EPHX2: variants seen among roughly 807,000 people sequenced by gnomAD.
The protein encoded by EPHX2 is epoxide hydrolase 2.
In EPHX2, 74 loss-of-function variants were observed where a neutral mutation model predicts 78.7. The ratio of observed to expected loss-of-function variants is 0.94; its 90% confidence interval spans 0.78 to 1.14. The LOEUF (loss-of-function observed/expected upper bound fraction) is 1.14, where lower values mean the gene tolerates loss of function less well. Ranked by LOEUF, EPHX2 falls within the 50% of genes most tolerant of loss-of-function variation. The probability of loss-of-function intolerance (pLI) is 0.00; values close to 1 mark genes in which losing one functional copy is unlikely to be tolerated. For missense variants in EPHX2, 715 were observed against 702.5 expected, an observed-to-expected ratio of 1.02 and a Z score of -0.20; for synonymous variants, 251 against 255.2, an observed-to-expected ratio of 0.98 and a Z score of 0.16.
intron 2 of EPHX2, among the ~76,000 whole-genome samples, chr8:27,501,366 C>CTT (rs1179325007): frequency 7.6e-6 from 1 of 131,190 alleles, no homozygotes; most frequent in East Asian, 2.2e-4. Flanking sequence ...TCTTCTTCTT[C>CTT]TTCTTCTTCT....
In EPHX2 at chr8:27,544,490, G is replaced by A; in HGVS notation, c.1636G>A (p.Ala546Thr). Residue 546 changes from alanine (A) to threonine (T), a missense_variant, in exon 19 of 19, where the codon GCC (alanine) becomes ACC (threonine). Physicochemically the swap from Ala to Thr is moderately conservative, Grantham distance 58. Transcript: ENST00000521400. Reference sequence around the variant, plus strand: ...CCTCATTAAGTGGCTGGATTCTGATGCCCGGAACCCACCGGTGGTCTCAAA... The same window carrying A: ...CCTCATTAAGTGGCTGGATTCTGATACCCGGAACCCACCGGTGGTCTCAAA... ...QILIKWLDSD[A>T]RNPPVVSKM 1 of 1,613,948 alleles carries A rather than the reference G, an allele frequency of 6.2e-7. No homozygotes were observed. Among genetic ancestry groups the A allele is most frequent in the Non-Finnish European group, 8.5e-7 (1 of 1,180,026 alleles).
At chr8:27,513,415 A>T (rs1017055660) in intron 6 of EPHX2, among the ~76,000 whole-genome samples, 2 of 152,128 alleles carry the variant, frequency 1.3e-5, no homozygotes, top group Non-Finnish European at 2.9e-5. Flanking sequence ...GGTTATTCTC[A>T]TAATTCCCTT....
intron 4 of EPHX2, 76 bp from the exon 5 acceptor site, chr8:27,506,793 TCTC>T: frequency 1.3e-6 from 2 of 1,541,642 alleles, no homozygotes. Context: ...GAGTTTTTAA[TCTC>T]CTCATCATAA....
downstream of EPHX2, among the ~76,000 whole-genome samples, chr8:27,547,697 TC>T (rs1046336423): frequency 7.2e-5 from 11 of 152,082 alleles, no homozygotes; most frequent in African/African-American, 2.2e-4. Flanking sequence ...TCCCTCCCTA[TC>T]CCCCACCTCT....
intron 12 of EPHX2, among the ~76,000 whole-genome samples, chr8:27,534,352 A>C (rs960995682): frequency 3.3e-5 from 5 of 152,170 alleles, no homozygotes; most frequent in African/African-American, 1.2e-4. Flanking sequence ...TGAGCAGAAC[A>C]AAAAAGAGTA....
At chr8:27,511,564 G>A (rs1365084044) in intron 5 of EPHX2, among the ~76,000 whole-genome samples, 1 of 152,188 alleles carries the variant, frequency 6.6e-6, no homozygotes, top group Non-Finnish European at 1.5e-5. Flanking sequence ...TCATTTGGGG[G>A]TTTTAATGTG....
chr8:27,530,115 G>A lies in EPHX2; in HGVS notation c.1170+4642G>A, dbSNP rs192276512. ...TGCCCAGGCTGGTCTCTAAGTCCTGGCGTCAAGTGATCCTCCCACCTCAGC... is the reference window on the plus strand; with the variant it reads ...TGCCCAGGCTGGTCTCTAAGTCCTGACGTCAAGTGATCCTCCCACCTCAGC... On this transcript the variant is annotated intron_variant, in intron 12 of 18. Coordinates refer to ENST00000521400, the MANE Select transcript of EPHX2 (RefSeq NM_001979.6). Among the ~76,000 whole-genome samples the A allele has an allele frequency of 2.6e-3, 389 of 150,946 alleles. 1 individual carries two copies. Among genetic ancestry groups the A allele is most frequent in the African/African-American group, 9.0e-3 (370 of 41,022 alleles).
In EPHX2 at chr8:27,517,935, T is replaced by C. The variant is rs1462266646; in HGVS notation, c.911-103T>C. On this transcript the variant is annotated intron_variant, in intron 8 of 18. Transcript: ENST00000521400. ...AGTAAGTTTTTGTGGGTTTTTGTTG[T>C]TGTTGTTTGGTTTTTGGTTTTCTTT... 10 of 842,596 alleles carry C rather than the reference T, an allele frequency of 1.2e-5. No homozygotes were observed. In the Admixed American group the frequency reaches 2.8e-4, roughly 23 times the overall value. 52.2% of individuals were successfully genotyped at this position (842,596 alleles called of 1,614,324 possible).
chr8:27,522,402 C>T (rs752206044), intron 10 of EPHX2, 21 bp from the exon 11 acceptor site: 1 of 1,534,440 alleles, frequency 6.5e-7, no homozygotes, highest in African/African-American at 1.4e-5. Context: ...ACATTCGGCT[C>T]CCTTCTTTTT....
At chr8:27,516,917 C>CTTTTTTTTTTTTTTT (rs145423911) in intron 8 of EPHX2, among the ~76,000 whole-genome samples, 1 of 144,196 alleles carries the variant, frequency 6.9e-6, no homozygotes, top group Non-Finnish European at 1.5e-5. Context: ...AATTTCCTTC[C>CTTTTTTTTTTTTTTT]TATTTTTTTT....
At chr8:27,511,019 C>A (rs891054961) in intron 5 of EPHX2, among the ~76,000 whole-genome samples, 1 of 152,114 alleles carries the variant, frequency 6.6e-6, no homozygotes. Context: ...AAGGGAAAGA[C>A]CATGTGAAGA....
At chr8:27,520,151 C>G (rs1414692264) in intron 9 of EPHX2, among the ~76,000 whole-genome samples, 1 of 149,508 alleles carries the variant, frequency 6.7e-6, no homozygotes, top group Non-Finnish European at 1.5e-5. Flanking sequence ...CTAATCTCTC[C>G]TTTTTTTTTA....
chr8:27,523,870 T>G (rs1814734362), intron 11 of EPHX2, among the ~76,000 whole-genome samples: 1 of 151,776 alleles, frequency 6.6e-6, no homozygotes, highest in Non-Finnish European at 1.5e-5. Flanking sequence ...CTGGTTAAAG[T>G]CAACAAAAGG....
chr8:27,509,098 G>A (rs1814135748), intron 5 of EPHX2, among the ~76,000 whole-genome samples: 1 of 151,894 alleles, frequency 6.6e-6, no homozygotes, highest in South Asian at 2.1e-4. Flanking sequence ...CTCCTCTAGG[G>A]ACCTAATGTA....
intron 3 of EPHX2, among the ~76,000 whole-genome samples, chr8:27,504,031 T>C (rs1328339581): frequency 5.3e-5 from 8 of 152,214 alleles, no homozygotes; most frequent in Admixed American, 5.2e-4. Context: ...AATGGCACTT[T>C]AGTAATGACC....
chr8:27,519,638 T>G (rs939796786), intron 9 of EPHX2, among the ~76,000 whole-genome samples: 1 of 152,370 alleles, frequency 6.6e-6, no homozygotes, highest in African/African-American at 2.4e-5. Flanking sequence ...TCGTGAAGAC[T>G]GATGAACGAT....
rs145423911 is a variant in EPHX2 at position 27,516,917 on chromosome 8, C to CTTTTTTTT, written c.910+520_910+521insTTTTTTTT. ...TATAGACGGCACCACAATTTCCTTC[C>CTTTTTTTT]TATTTTTTTTTTTTTTTTTTGAGAC... On this transcript the variant is annotated intron_variant, in intron 8 of 18. Transcript: ENST00000521400. Among the ~76,000 whole-genome samples the CTTTTTTTT allele has an allele frequency of 6.9e-5, 10 of 144,228 alleles. 1 individual carries two copies. The highest frequency in any genetic ancestry group is 7.5e-5 in the Non-Finnish European group (5 of 66,912). The allele number at this position is 144,228 out of a possible 152,430, so 94.6% of individuals were successfully genotyped here.
intron 12 of EPHX2, among the ~76,000 whole-genome samples, chr8:27,535,019 A>G (rs1034557114): frequency 1.2e-4 from 18 of 152,152 alleles, no homozygotes; most frequent in African/African-American, 4.3e-4. Flanking sequence ...CGCTCAGAAA[A>G]CACATGCAGA....
intron 5 of EPHX2, 126 bp from the exon 6 acceptor site, chr8:27,511,710 C>A: frequency 1.1e-6 from 1 of 927,684 alleles, no homozygotes; most frequent in Non-Finnish European, 1.7e-6. Flanking sequence ...TGGTCAGCCA[C>A]CAGGAGGGCT....
Sources: gnomAD v4.1 joint callset for allele counts (sites outside exome capture counted in the v4.1 genomes callset) on GRCh38, gnomAD v4.1.1 for gene constraint, MANE v1.5 for transcripts, NCBI Gene and HGNC (gene_info 2026-07-23, HGNC 2026-07-21) for gene names.